The following NRG2 variants were observed in gnomAD, a reference collection of about 807,000 sequenced individuals.
NRG2 encodes neuregulin 2.
In NRG2, 27 loss-of-function variants were observed where a neutral mutation model predicts 73.9. The ratio of observed to expected loss-of-function variants is 0.37; its 90% CI spans 0.27 to 0.50. The LOEUF (loss-of-function observed/expected upper bound fraction) is 0.50. Ranked by LOEUF, NRG2 falls within the 20% of genes least tolerant of loss-of-function variation. The pLI is 0.96. For synonymous variants in NRG2, 532 were observed against 541.0 expected (o/e 0.98, Z 0.23); for missense variants, 1,126 against 1,210.1 (o/e 0.93, Z 1.03).
intron 1 of NRG2, among the ~76,000 whole-genome samples, chr5:139,937,791 A>G (rs1352558447): frequency 2.0e-5 from 3 of 152,230 alleles, no homozygotes; most frequent in Admixed American, 1.3e-4. Flanking sequence ...CAAAAGATAT[A>G]TAAAACTACA....
At chr5:139,973,599 C>T (rs1756148143) in intron 1 of NRG2, among the ~76,000 whole-genome samples, 1 of 152,162 alleles carries the variant, frequency 6.6e-6, no homozygotes, top group Non-Finnish European at 1.5e-5. Flanking sequence ...TGAGCTCAAA[C>T]AATCCTCCTG....
At position 139,851,700 on chromosome 5, in the gene NRG2, C is replaced by T. The variant is rs1300530953; in HGVS notation, c.1676G>A (p.Arg559Gln). The stretch of plus-strand genomic sequence containing the variant: ...CTCCTCCAGGTTGTAGGCTGCTGCC[C>T]GCCTTGCCCGGGCCTCCACACATGC... ...SPACVEARAR[R>Q]AAAYNLEERR... Residue 559 changes from arginine to glutamine, a missense_variant, in exon 9 of 10, where the codon CGG becomes CAG. Coordinates refer to ENST00000361474, the MANE Select transcript of NRG2 (RefSeq NM_004883.3). This position sits in a 1 kb window ranked among gnomAD's most constrained non-coding sequence, Gnocchi z 4.2. 1.7e-5 allele frequency: 28 copies of T among 1,614,054 alleles called. No homozygotes were observed. Among genetic ancestry groups the T allele is most frequent in the East Asian group, 6.7e-5 (3 of 44,898 alleles).
rs1289119168 is a variant in NRG2, at chr5:139,904,488, C to T, written c.701-16977G>A. 1 of 722,902 alleles carries T rather than the reference C, an allele frequency of 1.4e-6. No homozygotes were observed. Among genetic ancestry groups the T allele is most frequent in the Admixed American group, 2.7e-5 (1 of 37,322 alleles). 44.8% of individuals were successfully genotyped at this position (722,902 alleles called of 1,614,324 possible). Reference sequence around the variant, plus strand: ...CTGCAGCCTCAGTGCCCGAGCGCGGCGCCTTTCTTATAGGCGGTCACACCC... The same window carrying T: ...CTGCAGCCTCAGTGCCCGAGCGCGGTGCCTTTCTTATAGGCGGTCACACCC... On this transcript the variant is annotated intron_variant, in intron 1 of 9. Transcript: ENST00000361474. The surrounding 1 kb of genome is among the most constrained non-coding windows in gnomAD (Gnocchi z 6.0).
chr5:139,931,609 A>C (rs968810295), intron 1 of NRG2, among the ~76,000 whole-genome samples: 2 of 152,262 alleles, frequency 1.3e-5, no homozygotes, highest in Non-Finnish European at 2.9e-5. Flanking sequence ...TAAAGAATTC[A>C]AAGGATTTAT....
chr5:139,962,365 C>T (rs1038809178), intron 1 of NRG2, among the ~76,000 whole-genome samples: 2 of 152,178 alleles, frequency 1.3e-5, no homozygotes, highest in African/African-American at 4.8e-5. Context: ...TGATCAGAGC[C>T]AGCTTGGCTC....
intron 1 of NRG2, among the ~76,000 whole-genome samples, chr5:139,951,966 A>G (rs73271492): frequency 0.013 from 2,051 of 152,338 alleles, 73 homozygotes; most frequent in African/African-American, 0.048. Flanking sequence ...GGAAGAAAGC[A>G]TGGCATAAGG....
intron 1 of NRG2, among the ~76,000 whole-genome samples, chr5:139,950,720 T>C (rs1754138922): frequency 6.6e-6 from 1 of 152,234 alleles, no homozygotes; most frequent in South Asian, 2.1e-4. Context: ...CTCCCACATA[T>C]TGAGCCTTCT....
chr5:139,985,630 C>T (rs1056579334), intron 1 of NRG2, among the ~76,000 whole-genome samples: 1 of 152,192 alleles, frequency 6.6e-6, no homozygotes, highest in African/African-American at 2.4e-5. Flanking sequence ...CTTACATCCA[C>T]GTATCCCTGT....
chr5:139,907,601 C>A (rs1228467633), intron 1 of NRG2, among the ~76,000 whole-genome samples: 1 of 152,190 alleles, frequency 6.6e-6, no homozygotes, highest in Non-Finnish European at 1.5e-5. Flanking sequence ...GCTCTCCCAG[C>A]AGTCCAGAGC....
At chr5:139,928,135 T>C (rs922525185) in intron 1 of NRG2, among the ~76,000 whole-genome samples, 3 of 152,172 alleles carry the variant, frequency 2.0e-5, no homozygotes, top group Non-Finnish European at 4.4e-5. Flanking sequence ...CAGTCAGCCC[T>C]TTCTGACCAG....
In NRG2 at chr5:139,990,045, C is replaced by T. The variant is rs76618234; in HGVS notation, c.700+52325G>A. On this transcript the variant is annotated intron_variant, in intron 1 of 9. Transcript: ENST00000361474. ...CCTTGTGATCCGCCCACCTCGGCCT[C>T]CCAAAGTGCTGGGATTACAGGCGTG... Among the ~76,000 whole-genome samples, 20 of 151,798 alleles carry T rather than the reference C, an allele frequency of 1.3e-4. 1 individual carries two copies. The highest frequency in any genetic ancestry group is 4.8e-4 in the African/African-American group (20 of 41,496).
intron 1 of NRG2, among the ~76,000 whole-genome samples, chr5:139,965,232 G>A (rs1057404646): frequency 1.3e-5 from 2 of 152,204 alleles, no homozygotes; most frequent in African/African-American, 4.8e-5. Flanking sequence ...GTGGAACTAC[G>A]TGGGGGAGAT....
At chr5:139,974,491 T>C (rs1756226850) in intron 1 of NRG2, among the ~76,000 whole-genome samples, 1 of 152,124 alleles carries the variant, frequency 6.6e-6, no homozygotes, top group African/African-American at 2.4e-5. Flanking sequence ...CAACACGTGA[T>C]TGTGAGGATG....
At chr5:139,883,332 G>C (rs916684817) in intron 2 of NRG2, among the ~76,000 whole-genome samples, 1 of 140,730 alleles carries the variant, frequency 7.1e-6, no homozygotes, top group Non-Finnish European at 1.5e-5. Context: ...CCCGCCCCCC[G>C]CCCCCTGCCT....
intron 1 of NRG2, among the ~76,000 whole-genome samples, chr5:139,977,448 T>C (rs537198947): frequency 2.0e-5 from 3 of 152,282 alleles, no homozygotes; most frequent in Admixed American, 1.3e-4. Context: ...GAGGTATCAG[T>C]AGACAATGGG....
intron 1 of NRG2, among the ~76,000 whole-genome samples, chr5:139,914,721 T>A (rs535296534): frequency 6.6e-6 from 1 of 152,384 alleles, no homozygotes; most frequent in African/African-American, 2.4e-5. Flanking sequence ...TTAAGCTGTC[T>A]TTGATTCATT....
chr5:139,929,938 C>T (rs1752341505), intron 1 of NRG2, among the ~76,000 whole-genome samples: 1 of 152,180 alleles, frequency 6.6e-6, no homozygotes, highest in Non-Finnish European at 1.5e-5. Flanking sequence ...ATAGCATCCC[C>T]CAAAGTGGGA....
chr5:139,923,558 T>C (rs190096172), intron 1 of NRG2, among the ~76,000 whole-genome samples: 89 of 152,302 alleles, frequency 5.8e-4, no homozygotes, highest in African/African-American at 2.1e-3. Context: ...TTTCCTTCTC[T>C]CCAACAAAAG....
Position 139,887,224 on chromosome 5 carries a change from T to G in NRG2, c.872+116A>C. 8.2e-7 allele frequency: 1 copy of G among 1,214,476 alleles called. No individual in the cohort carries two copies. Among genetic ancestry groups the G allele is most frequent in the Non-Finnish European group, 1.2e-6 (1 of 842,466 alleles). 75.2% of individuals were successfully genotyped at this position (1,214,476 alleles called of 1,614,324 possible). A position where few individuals can be genotyped will look rare whatever the true frequency, so the allele number is the denominator to read the frequency against. ...GGGGAGTATGGAGAGGGGCTGGGAC[T>G]GGTTCCATGGGTGAGTCTGGGGGCA... On this transcript the variant is annotated intron_variant, in intron 2 of 9. Transcript: ENST00000361474. This position sits in a 1 kb window ranked among gnomAD's most constrained non-coding sequence, Gnocchi z 4.5.
Sources: allele counts gnomAD v4.1 joint callset (sites outside exome capture counted in the v4.1 genomes callset), GRCh38; gene constraint gnomAD v4.1.1; non-coding constraint Gnocchi (gnomAD v3.1); transcripts MANE v1.5; gene names NCBI Gene and HGNC (gene_info 2026-07-23, HGNC 2026-07-21).